The following ARHGAP15 variants were observed in gnomAD, a reference collection of about 807,000 sequenced individuals.
The protein encoded by ARHGAP15 is Rho GTPase activating protein 15.
Under a neutral mutation model 63.7 loss-of-function variants are expected in ARHGAP15, and 51 were observed. That is an observed-to-expected ratio of 0.80 (90% CI 0.64 to 1.01). The LOEUF is 1.01. ARHGAP15 is among the 50% of genes least tolerant of loss of function. The probability of loss-of-function intolerance (pLI) is 0.00; values close to 1 mark genes in which losing one functional copy is unlikely to be tolerated. For missense variants in ARHGAP15, 560 were observed against 564.6 expected, an observed-to-expected ratio of 0.99 and a Z score of 0.08; for synonymous variants, 191 against 193.8, an observed-to-expected ratio of 0.99 and a Z score of 0.12.
At chr2:143,473,669 C>T (rs1237934469) in intron 8 of ARHGAP15, among the ~76,000 whole-genome samples, 2 of 152,116 alleles carry the variant, frequency 1.3e-5, no homozygotes, top group Admixed American at 6.6e-5. Flanking sequence ...AGGATGTGTG[C>T]GCACTGCCTC....
At chr2:143,229,280 A>G (rs1343701608) in intron 5 of ARHGAP15, among the ~76,000 whole-genome samples, 1 of 152,192 alleles carries the variant, frequency 6.6e-6, no homozygotes, top group Non-Finnish European at 1.5e-5. Flanking sequence ...TCTTCGTCTA[A>G]CTGTGACGTT....
At chr2:143,182,303 G>A (rs1326366752) in intron 2 of ARHGAP15, among the ~76,000 whole-genome samples, 1 of 152,126 alleles carries the variant, frequency 6.6e-6, no homozygotes, top group Non-Finnish European at 1.5e-5. Flanking sequence ...TTATTCATTG[G>A]CCTAATTTTA....
chr2:143,739,741 A>G (rs1685888754), intron 13 of ARHGAP15, among the ~76,000 whole-genome samples: 1 of 152,202 alleles, frequency 6.6e-6, no homozygotes, highest in Non-Finnish European at 1.5e-5. Flanking sequence ...TCTAGGCCAT[A>G]GCATTCAGCT....
intron 6 of ARHGAP15, among the ~76,000 whole-genome samples, chr2:143,332,002 C>T (rs1684570569): frequency 6.6e-6 from 1 of 152,094 alleles, no homozygotes; most frequent in African/African-American, 2.4e-5. Flanking sequence ...GTCCTTCTAG[C>T]TAATTTTCAT....
At chr2:143,391,062 G>C (rs1005534431) in intron 6 of ARHGAP15, among the ~76,000 whole-genome samples, 6 of 152,078 alleles carry the variant, frequency 3.9e-5, no homozygotes, top group African/African-American at 1.4e-4. Context: ...GTGGAAGCGC[G>C]GTAGAATATA....
At chr2:143,409,995 TG>T (rs1688377081) in intron 6 of ARHGAP15, among the ~76,000 whole-genome samples, 1 of 152,174 alleles carries the variant, frequency 6.6e-6, no homozygotes, top group Non-Finnish European at 1.5e-5. Flanking sequence ...AAATATATTT[TG>T]TTTCACTTTT....
chr2:143,461,154 G>A (rs914140098), intron 8 of ARHGAP15, among the ~76,000 whole-genome samples: 4 of 151,890 alleles, frequency 2.6e-5, no homozygotes, highest in Admixed American at 2.6e-4. Flanking sequence ...GCCAGGCACG[G>A]TGGCGCACAC....
intron 6 of ARHGAP15, chr2:143,295,654 G>T (rs560653278): frequency 6.6e-6 from 1 of 151,940 alleles, no homozygotes; most frequent in Non-Finnish European, 1.5e-5. Context: ...CAAAGTTTCG[G>T]GTAGATAAAG....
At chr2:143,300,621 G>A (rs1402003587) in intron 6 of ARHGAP15, among the ~76,000 whole-genome samples, 3 of 151,988 alleles carry the variant, frequency 2.0e-5, no homozygotes, top group Non-Finnish European at 4.4e-5. Flanking sequence ...TGCATTCTGT[G>A]GCTATGCTTC....
intron 3 of ARHGAP15, among the ~76,000 whole-genome samples, chr2:143,204,719 C>T (rs576398888): frequency 4.6e-5 from 7 of 152,150 alleles, no homozygotes; most frequent in South Asian, 2.1e-4. Flanking sequence ...GAAGACTCAT[C>T]GACTTCCCCA....
At chr2:143,385,641 G>T (rs1284162294) in intron 6 of ARHGAP15, among the ~76,000 whole-genome samples, 3 of 152,120 alleles carry the variant, frequency 2.0e-5, no homozygotes. Flanking sequence ...GGGACACTCA[G>T]TGTAACCATT....
chr2:143,523,356 T>A (rs1396413098), intron 10 of ARHGAP15, among the ~76,000 whole-genome samples: 1 of 152,152 alleles, frequency 6.6e-6, no homozygotes, highest in African/African-American at 2.4e-5. Flanking sequence ...TGTTTAAAAA[T>A]GATGTAATAA....
intron 11 of ARHGAP15, among the ~76,000 whole-genome samples, chr2:143,600,299 A>T (rs998831788): frequency 1.3e-5 from 2 of 152,168 alleles, no homozygotes; most frequent in Non-Finnish European, 2.9e-5. Flanking sequence ...GTGGAAAAAA[A>T]TCTCCATCTT....
rs79354384 is a variant in ARHGAP15, at chr2:143,729,511, G to A, written c.1244+25987G>A. Among the ~76,000 whole-genome samples the A allele has an allele frequency of 5.8e-3, 881 of 152,236 alleles. 7 individuals are homozygous for A. Among genetic ancestry groups the A allele is most frequent in the African/African-American group, 0.02 (830 of 41,534 alleles). The stretch of plus-strand genomic sequence containing the variant: ...AGTCTTTACCATCATTGCATATTAC[G>A]CCTACTTCTATTGAAACAGCTACTG... On this transcript the variant is annotated intron_variant, in intron 13 of 13. Coordinates refer to ENST00000295095, the MANE Select transcript of ARHGAP15 (RefSeq NM_018460.4).
At chr2:143,676,081 A>T (rs890545932) in intron 12 of ARHGAP15, 1 of 154,284 alleles carries the variant, frequency 6.5e-6, no homozygotes, top group Non-Finnish European at 1.4e-5. Context: ...CATTGTAGAG[A>T]CAGCTTTCTT....
chr2:143,165,924 G>A (rs1266921365), intron 2 of ARHGAP15, among the ~76,000 whole-genome samples: 4 of 72,230 alleles, frequency 5.5e-5, no homozygotes, highest in Non-Finnish European at 1.2e-4. Flanking sequence ...TGCCTTTAAC[G>A]TCAAGAAAGA....
chr2:143,541,686 A>C (rs1307445088), intron 10 of ARHGAP15, among the ~76,000 whole-genome samples: 1 of 152,190 alleles, frequency 6.6e-6, no homozygotes, highest in East Asian at 1.9e-4. Flanking sequence ...TGGCTGCAGA[A>C]CAGCGGATAT....
chr2:143,674,795 G>T (rs1001807826), intron 12 of ARHGAP15, among the ~76,000 whole-genome samples: 4 of 152,158 alleles, frequency 2.6e-5, no homozygotes, highest in South Asian at 2.1e-4. Context: ...AATGCTAATG[G>T]TTATCTGAGA....
intron 6 of ARHGAP15, among the ~76,000 whole-genome samples, chr2:143,415,810 T>G (rs1653474388): frequency 6.6e-6 from 1 of 152,148 alleles, no homozygotes; most frequent in African/African-American, 2.4e-5. Context: ...ATGAATGAAT[T>G]AATGGCATTT....
Sources: gnomAD v4.1 joint callset for allele counts (sites outside exome capture counted in the v4.1 genomes callset) on GRCh38, gnomAD v4.1.1 for gene constraint, MANE v1.5 for transcripts, NCBI Gene and HGNC (gene_info 2026-07-23, HGNC 2026-07-21) for gene names.